The following TRPC7 variants were observed in gnomAD, a reference collection of about 807,000 sequenced individuals.
TRPC7 encodes transient receptor potential cation channel subfamily C member 7.
A neutral mutation model predicts 90.1 loss-of-function variants in TRPC7; 42 were observed. That is an observed-to-expected ratio of 0.47 (90% CI 0.36 to 0.60). The LOEUF is 0.60. Ranked by LOEUF, TRPC7 falls within the 20% of genes least tolerant of loss-of-function variation. The pLI, the probability that TRPC7 is intolerant of heterozygous loss-of-function variation, is 0.00. For synonymous variants in TRPC7, 451 were observed against 436.3 expected (o/e 1.03, Z -0.42); for missense variants, 955 against 1,112.3 (o/e 0.86, Z 2.01).
At chr5:136,322,068 G>C (rs1403396229) in intron 2 of TRPC7, among the ~76,000 whole-genome samples, 1 of 151,808 alleles carries the variant, frequency 6.6e-6, no homozygotes, top group Non-Finnish European at 1.5e-5. Context: ...AGGCTAGAGG[G>C]TACTGGCACA....
intron 7 of TRPC7, among the ~76,000 whole-genome samples, chr5:136,237,808 A>C (rs1756030057): frequency 6.6e-6 from 1 of 152,238 alleles, no homozygotes; most frequent in African/African-American, 2.4e-5. Context: ...CAAAATCTGC[A>C]TCAACTGCAA....
intron 7 of TRPC7, among the ~76,000 whole-genome samples, chr5:136,239,599 G>C (rs115410435): frequency 6.6e-6 from 1 of 152,122 alleles, no homozygotes; most frequent in Non-Finnish European, 1.5e-5. Context: ...GTTTTATGAC[G>C]TATTTCAGCC....
chr5:136,278,026 T>C (rs1757422060), intron 3 of TRPC7, among the ~76,000 whole-genome samples: 1 of 152,166 alleles, frequency 6.6e-6, no homozygotes, highest in African/African-American at 2.4e-5. Flanking sequence ...AAACTACATC[T>C]GTAACTGAGA....
At chr5:136,342,247 G>A (rs545793562) in intron 2 of TRPC7, among the ~76,000 whole-genome samples, 53 of 152,314 alleles carry the variant, frequency 3.5e-4, no homozygotes, top group Middle Eastern at 6.8e-3. Flanking sequence ...GGGCTGGTAC[G>A]TAGATGTGAG....
At chr5:136,290,362 C>T (rs569860277) in intron 3 of TRPC7, among the ~76,000 whole-genome samples, 23 of 152,168 alleles carry the variant, frequency 1.5e-4, no homozygotes, top group African/African-American at 4.3e-4. Flanking sequence ...GGAGGAAGTT[C>T]GAACCAATGG....
In TRPC7 at chr5:136,224,790, C is replaced by T. The variant is rs1198210778; in HGVS notation, c.2343+484G>A. ...TGGCCCTCTGACCTCACTCCCTCCA[C>T]CCTCTGCTTCCACAGGGCCCAGCTG... On this transcript the variant is annotated intron_variant, in intron 10 of 11. Coordinates refer to ENST00000513104, the MANE Select transcript of TRPC7 (RefSeq NM_020389.3). 3.3e-5 allele frequency among the ~76,000 whole-genome samples: 5 copies of T among 152,208 alleles called. No homozygotes were observed. In the East Asian group the frequency reaches 9.6e-4, roughly 29 times the overall value.
At chr5:136,266,132 G>C in intron 5 of TRPC7, 88 bp downstream of exon 5, 1 of 1,214,466 alleles carries the variant, frequency 8.2e-7, no homozygotes, top group African/African-American at 1.5e-5. Context: ...GTACACTGAA[G>C]AGGAGAGGGA....
chr5:136,350,040 G>A (rs1021487532), intron 2 of TRPC7, among the ~76,000 whole-genome samples: 6 of 152,164 alleles, frequency 3.9e-5, no homozygotes, highest in Non-Finnish European at 5.9e-5. Flanking sequence ...AGGAGCAAGA[G>A]GCTATCCCAT....
At chr5:136,361,997 C>A (rs1760583218) in intron 1 of TRPC7, among the ~76,000 whole-genome samples, 1 of 152,068 alleles carries the variant, frequency 6.6e-6, no homozygotes, top group African/African-American at 2.4e-5. Context: ...ATGTTCATGA[C>A]AATAATGATC....
chr5:136,262,938 G>A (rs1281583192), intron 5 of TRPC7, among the ~76,000 whole-genome samples: 3 of 152,144 alleles, frequency 2.0e-5, no homozygotes, highest in African/African-American at 7.2e-5. Flanking sequence ...TAGATGTTGT[G>A]CAGCAGAGCT....
chr5:136,277,932 A>C (rs1271085805), intron 3 of TRPC7, among the ~76,000 whole-genome samples: 2 of 152,232 alleles, frequency 1.3e-5, no homozygotes, highest in Non-Finnish European at 2.9e-5. Flanking sequence ...TATTCATCAT[A>C]GTAGGCAGTT....
intron 2 of TRPC7, among the ~76,000 whole-genome samples, chr5:136,345,677 T>C (rs1759984490): frequency 6.6e-6 from 1 of 152,224 alleles, no homozygotes; most frequent in Non-Finnish European, 1.5e-5. Flanking sequence ...GTAGTTTCTT[T>C]TGCTGTGCTG....
At chr5:136,342,726 A>C (rs1353529024) in intron 2 of TRPC7, among the ~76,000 whole-genome samples, 1 of 152,222 alleles carries the variant, frequency 6.6e-6, no homozygotes, top group African/African-American at 2.4e-5. Flanking sequence ...ACATGGGAGG[A>C]ATGCCAAAAT....
chr5:136,356,493 T>C (rs1760379950), intron 2 of TRPC7, 115 bp downstream of exon 2: 4 of 1,141,394 alleles, frequency 3.5e-6, no homozygotes, highest in African/African-American at 3.1e-5. Context: ...GCCTGCTCAG[T>C]AAGATCCTGA....
In TRPC7 at chr5:136,274,715, G is replaced by C. The variant is rs755450110; in HGVS notation, c.1086C>G (p.Leu362=). ...FLAVFGVSIG[L]PFLAIAYWIA... is the part of the protein sequence containing the mutation. ...TCCAATAGGCTATGGCGAGAAAAGG[G>C]AGGCCTATGGAGACTCCAAAGACAG... The change falls in exon 4 of 12, where the codon CTC becomes CTG. Residue 362 remains leucine, a synonymous_variant. Transcript: ENST00000513104. 1 of 1,613,434 alleles carries C rather than the reference G, an allele frequency of 6.2e-7. No homozygotes were observed. The highest frequency in any genetic ancestry group is 8.5e-7 in the Non-Finnish European group (1 of 1,179,716).
At chr5:136,238,790 G>T (rs1756071057) in intron 7 of TRPC7, among the ~76,000 whole-genome samples, 1 of 152,094 alleles carries the variant, frequency 6.6e-6, no homozygotes, top group Non-Finnish European at 1.5e-5. Context: ...CAGGTCCCAG[G>T]CTTTTAGAAT....
intron 5 of TRPC7, among the ~76,000 whole-genome samples, chr5:136,261,711 C>A (rs1756862445): frequency 6.6e-6 from 1 of 152,234 alleles, no homozygotes; most frequent in Non-Finnish European, 1.5e-5. Context: ...TTGTTGTGCT[C>A]TGGGGCTTGG....
intron 2 of TRPC7, among the ~76,000 whole-genome samples, chr5:136,336,270 C>T (rs990016276): frequency 6.6e-6 from 1 of 152,144 alleles, no homozygotes; most frequent in African/African-American, 2.4e-5. Flanking sequence ...CTCCGGTCCC[C>T]CACTTGCTTT....
intron 6 of TRPC7, among the ~76,000 whole-genome samples, chr5:136,249,162 G>A (rs767908687): frequency 2.0e-4 from 31 of 152,236 alleles, no homozygotes; most frequent in Non-Finnish European, 3.5e-4. Context: ...TTCAGAGACC[G>A]GTAAATGCAG....
Sources: gnomAD v4.1 joint callset for allele counts (sites outside exome capture counted in the v4.1 genomes callset) on GRCh38, gnomAD v4.1.1 for gene constraint, MANE v1.5 for transcripts, NCBI Gene and HGNC (gene_info 2026-07-23, HGNC 2026-07-21) for gene names.